Variants in SS18 observed in about 807,000 individuals in gnomAD.
SS18 encodes the protein SS18 subunit of BAF chromatin remodeling complex.
Under a neutral mutation model 72.5 loss-of-function variants are expected in SS18, and 28 were observed. The ratio of observed to expected loss-of-function variants is 0.39; its 90% confidence interval spans 0.29 to 0.53. SS18 has a LOEUF of 0.53. SS18 is among the 20% of genes least tolerant of loss of function. The probability of loss-of-function intolerance (pLI) is 0.76; values close to 1 mark genes in which losing one functional copy is unlikely to be tolerated. For synonymous variants in SS18, 172 were observed against 164.2 expected (o/e 1.05, Z -0.37); for missense variants, 518 against 535.3 (o/e 0.97, Z 0.32).
intron 3 of SS18, among the ~76,000 whole-genome samples, chr18:26,063,730 T>A (rs1037719685): frequency 6.6e-6 from 1 of 152,140 alleles, no homozygotes; most frequent in Admixed American, 6.5e-5. Context: ...CTATCATCCT[T>A]TATTTTCAGT....
At chr18:26,026,970 T>C (rs1254508571) in intron 10 of SS18, among the ~76,000 whole-genome samples, 2 of 152,160 alleles carry the variant, frequency 1.3e-5, no homozygotes, top group African/African-American at 4.8e-5. Flanking sequence ...TTAAGGGACA[T>C]ATGCCATGTT....
chr18:26,065,227 T>C (rs1158377460), intron 3 of SS18, among the ~76,000 whole-genome samples: 3 of 152,142 alleles, frequency 2.0e-5, no homozygotes, highest in African/African-American at 4.8e-5. Context: ...CACAAGCCAA[T>C]TCTAAACTTT....
chr18:26,042,934 C>T (rs2053755317), intron 5 of SS18, among the ~76,000 whole-genome samples: 1 of 151,926 alleles, frequency 6.6e-6, no homozygotes, highest in South Asian at 2.1e-4. Flanking sequence ...CAGATACAAA[C>T]CAATACACTA....
At chr18:26,023,683 T>C in intron 10 of SS18, 2 of 524,766 alleles carry the variant, frequency 3.8e-6, no homozygotes, top group South Asian at 3.2e-5. Context: ...TAAACATTTT[T>C]TTCAGACATA....
chr18:26,050,931 A>AATAT, intron 5 of SS18, among the ~76,000 whole-genome samples: 1 of 152,164 alleles, frequency 6.6e-6, no homozygotes, highest in South Asian at 2.1e-4. Context: ...TAAATAAATA[A>AATAT]ACAAATAAAA....
chr18:26,030,848 T>C (rs925980154), intron 10 of SS18, among the ~76,000 whole-genome samples: 1 of 150,674 alleles, frequency 6.6e-6, no homozygotes, highest in Non-Finnish European at 1.5e-5. Context: ...GGAAAACCAA[T>C]AAAAACAATA....
intron 3 of SS18, among the ~76,000 whole-genome samples, chr18:26,060,762 TAAAAATACCAAAAAAAAAAA>T (rs1304868214): frequency 1.1e-4 from 2 of 17,828 alleles, no homozygotes; most frequent in Admixed American, 7.5e-4. Context: ...CTGTCTCTAC[TAAAAATACCAAAAAAAAAAA>T]AAAAAAAAAA....
At chr18:26,061,920 T>C (rs1259323931) in intron 3 of SS18, among the ~76,000 whole-genome samples, 1 of 152,154 alleles carries the variant, frequency 6.6e-6, no homozygotes, top group Non-Finnish European at 1.5e-5. Flanking sequence ...ATGACTCTAC[T>C]GGTTTAAACA....
chr18:26,061,021 G>GAAA (rs2054114761), intron 3 of SS18, among the ~76,000 whole-genome samples: 1 of 151,030 alleles, frequency 6.6e-6, no homozygotes, highest in Non-Finnish European at 1.5e-5. Flanking sequence ...GTATGTTCAA[G>GAAA]AAATAAATAA....
At chr18:26,024,429 A>ATC (rs2053410645) in intron 10 of SS18, among the ~76,000 whole-genome samples, 1 of 152,088 alleles carries the variant, frequency 6.6e-6, no homozygotes, top group South Asian at 2.1e-4. Context: ...GGTTCATGCA[A>ATC]TCTTCTGCCT....
At chr18:26,061,689 A>G (rs1156390146) in intron 3 of SS18, among the ~76,000 whole-genome samples, 2 of 152,146 alleles carry the variant, frequency 1.3e-5, no homozygotes, top group African/African-American at 4.8e-5. Context: ...CAACCAGCCC[A>G]GAATTCCACA....
At chr18:26,078,216 A>G (rs947571252) in intron 2 of SS18, 56 bp from the exon 3 acceptor site, 19 of 1,217,102 alleles carry the variant, frequency 1.6e-5, no homozygotes, top group Non-Finnish European at 2.3e-5. Flanking sequence ...CTACCTGCCT[A>G]AGTACAAACA....
chr18:26,086,927 T>A lies in SS18; in HGVS notation c.146+574A>T, dbSNP rs143447800. ...ACCCAATCTCCTCCCAAAGAAAGTT[T>A]TCTTTTATAAATTAACAAGTCATAC... is the stretch of plus-strand genomic sequence containing the variant. On this transcript the variant is annotated intron_variant, in intron 2 of 10. Transcript: ENST00000415083. Among the ~76,000 whole-genome samples, 627 of 152,296 alleles carry A rather than the reference T, an allele frequency of 4.1e-3. 6 individuals carry two copies. The highest frequency in any genetic ancestry group is 0.01 in the Middle Eastern group (3 of 294).
intron 1 of SS18, 58 bp from the exon 2 acceptor site, chr18:26,087,635 A>G (rs1418481803): frequency 9.7e-7 from 1 of 1,032,048 alleles, no homozygotes; most frequent in East Asian, 2.4e-5. Context: ...AAAATAAAAA[A>G]CTAGAAAATT....
intron 9 of SS18, among the ~76,000 whole-genome samples, chr18:26,034,403 TAA>T (rs1187667989): frequency 6.6e-6 from 1 of 152,140 alleles, no homozygotes; most frequent in Non-Finnish European, 1.5e-5. Context: ...TCTAAGAAGT[TAA>T]AGTCAGATAT....
At chr18:26,043,249 A>G (rs1443008261) in intron 5 of SS18, among the ~76,000 whole-genome samples, 1 of 152,104 alleles carries the variant, frequency 6.6e-6, no homozygotes, top group Non-Finnish European at 1.5e-5. Flanking sequence ...CACTATGTGT[A>G]CTTCCTCTCC....
chr18:26,057,900 A>G (rs1251787487), intron 3 of SS18, among the ~76,000 whole-genome samples, 158 bp from the exon 4 acceptor site: 2 of 152,252 alleles, frequency 1.3e-5, no homozygotes, highest in Non-Finnish European at 2.9e-5. Flanking sequence ...CATAGTTAAT[A>G]ACCCCCAAAA....
intron 3 of SS18, among the ~76,000 whole-genome samples, chr18:26,077,396 T>C (rs1361802756): frequency 6.6e-6 from 1 of 152,044 alleles, no homozygotes; most frequent in Non-Finnish European, 1.5e-5. Flanking sequence ...AGAATACAAT[T>C]AGCCAAATGC....
intron 10 of SS18, among the ~76,000 whole-genome samples, chr18:26,019,850 T>C (rs1371384432): frequency 7.0e-6 from 1 of 143,338 alleles, no homozygotes; most frequent in East Asian, 2.1e-4. Context: ...GTGTTTTACA[T>C]AGTTATATTC....
Sources: gnomAD v4.1 joint callset for allele counts (sites outside exome capture counted in the v4.1 genomes callset) on GRCh38, gnomAD v4.1.1 for gene constraint, MANE v1.5 for transcripts, NCBI Gene and HGNC (gene_info 2026-07-23, HGNC 2026-07-21) for gene names.